C3: variants seen among roughly 807,000 people sequenced by gnomAD.
C3 encodes the protein complement C3, also known as C3 and PZP-like alpha-2-macroglobulin domain-containing protein 1.
In C3, 97 loss-of-function variants were observed where a neutral mutation model predicts 207.9. That is an observed-to-expected ratio of 0.47 (90% CI 0.40 to 0.55). C3 has a LOEUF of 0.55. Among genes scored for constraint, C3 ranks in the 20% least tolerant of loss-of-function variants. C3 has a pLI of 0.00. For missense variants in C3, 1,684 were observed against 2,171.7 expected, an observed-to-expected ratio of 0.78 and a Z score of 4.46; for synonymous variants, 848 against 857.6, an observed-to-expected ratio of 0.99 and a Z score of 0.20.
chr19:6,687,064 C>T (rs1474902954), intron 27 of C3, among the ~76,000 whole-genome samples, 162 bp from the exon 28 acceptor site: 1 of 152,196 alleles, frequency 6.6e-6, no homozygotes, highest in Non-Finnish European at 1.5e-5. Flanking sequence ...TTTTAGCCAC[C>T]ATGAGCTGCC....
At chr19:6,691,516 A>G (rs1918167746) in intron 26 of C3, among the ~76,000 whole-genome samples, 1 of 152,184 alleles carries the variant, frequency 6.6e-6, no homozygotes, top group African/African-American at 2.4e-5. Flanking sequence ...GGTGGCAGAA[A>G]CAGCATGTGC....
Position 6,710,783 on chromosome 19 carries a change from C to A in C3, c.1542G>T (p.Leu514=), listed in dbSNP as rs749992658. ...TGGTGATGGACAGGGGCAGCACCAC[C>A]AGGTCCTGGCCGGGCTCTCGCACCT... is the stretch of plus-strand genomic sequence containing the variant. The part of the protein sequence containing the change: ...GRQVREPGQD[L]VVLPLSITTD... The change falls in exon 13 of 41, where the codon CTG becomes CTT. Residue 514 remains leucine, a synonymous_variant. Coordinates refer to ENST00000245907, the MANE Select transcript of C3 (RefSeq NM_000064.4). 1 of 1,613,902 alleles carries A rather than the reference C, an allele frequency of 6.2e-7. No homozygotes were observed. Among genetic ancestry groups the A allele is most frequent in the Non-Finnish European group, 8.5e-7 (1 of 1,180,010 alleles).
At chr19:6,682,298 A>G (rs540818117) in intron 33 of C3, 69 bp from the exon 34 acceptor site, 1 of 1,205,460 alleles carries the variant, frequency 8.3e-7, no homozygotes, top group Non-Finnish European at 1.2e-6. Flanking sequence ...GTTCCTGGAC[A>G]AGGAGGTCTG....
At chr19:6,692,798 C>T in intron 26 of C3, 126 bp downstream of exon 26, 1 of 1,224,314 alleles carries the variant, frequency 8.2e-7, no homozygotes, top group South Asian at 1.2e-5. Flanking sequence ...TGCCCCCACC[C>T]CCCAGCCCAA....
chr19:6,708,637 CTTTCTCTCTG>C (rs1447032804), intron 14 of C3, among the ~76,000 whole-genome samples: 1 of 137,146 alleles, frequency 7.3e-6, no homozygotes, highest in Non-Finnish European at 1.5e-5. Context: ...CTTTCTTTTT[CTTTCTCTCTG>C]TTTCTCTCTC....
Position 6,697,563 on chromosome 19 carries a change from G to A in C3, c.2584-7C>T, listed in dbSNP as rs1014766919. ...GGAGTAGTTCCACCCTCACCTGCCA[G>A]GGAGAGAAAGGATCCGGGCAAGTGT... On this transcript the variant is annotated splice_polypyrimidine_tract_variant and splice_region_variant and intron_variant, in intron 20 of 40. Transcript: ENST00000245907. 6.2e-7 allele frequency: 1 copy of A among 1,613,972 alleles called. No individual in the cohort carries two copies. The highest frequency in any genetic ancestry group is 8.5e-7 in the Non-Finnish European group (1 of 1,179,970).
chr19:6,689,372 T>C (rs1301991344), intron 27 of C3, among the ~76,000 whole-genome samples: 9 of 118,094 alleles, frequency 7.6e-5, no homozygotes, highest in African/African-American at 2.5e-4. Flanking sequence ...TCTCTCTCTC[T>C]CTCTCTCTCT....
chr19:6,692,807 A>G (rs943046005), intron 26 of C3, 117 bp downstream of exon 26: 1 of 1,269,204 alleles, frequency 7.9e-7, no homozygotes, highest in African/African-American at 1.5e-5. Flanking sequence ...CCCCCAGCCC[A>G]ATCTTTGCAA....
intron 33 of C3, chr19:6,682,630 T>C (rs1470733603): frequency 3.6e-6 from 1 of 275,404 alleles, no homozygotes; most frequent in African/African-American, 2.2e-5. Flanking sequence ...TCACGAGTAG[T>C]TGCATATGGT....
intron 27 of C3, among the ~76,000 whole-genome samples, chr19:6,689,032 G>A (rs951182725): frequency 2.0e-5 from 3 of 152,130 alleles, no homozygotes; most frequent in Non-Finnish European, 4.4e-5. Context: ...TGAAGATCAC[G>A]GGAGAGAGGA....
chr19:6,699,243 C>CTTTTT (rs58493671), intron 19 of C3, among the ~76,000 whole-genome samples: 3 of 131,270 alleles, frequency 2.3e-5, no homozygotes, highest in Non-Finnish European at 3.3e-5. Context: ...CTTTTCTTTT[C>CTTTTT]TTTTTTTTTT....
rs1967905578 is a variant in C3, at chr19:6,710,781, A to G, written c.1544T>C (p.Val515Ala). 1 of 1,613,756 alleles carries G rather than the reference A, an allele frequency of 6.2e-7. No homozygotes were observed. The highest frequency in any genetic ancestry group is 8.5e-7 in the Non-Finnish European group (1 of 1,180,008). ...RQVREPGQDLVVLPLSITTDF... is the reference protein window; with the variant it reads ...RQVREPGQDLAVLPLSITTDF... ...GGTGGTGATGGACAGGGGCAGCACC[A>G]CCAGGTCCTGGCCGGGCTCTCGCAC... The change falls in exon 13 of 41, where the codon GTG becomes GCG. Residue 515 changes from valine to alanine, a missense_variant. Val to Ala is a moderately conservative substitution (Grantham distance 64). Transcript: ENST00000245907.
intron 35 of C3, among the ~76,000 whole-genome samples, chr19:6,681,123 G>A (rs1488602073): frequency 6.6e-6 from 1 of 152,070 alleles, no homozygotes; most frequent in African/African-American, 2.4e-5. Context: ...GGCACCAGGG[G>A]CTTATGCCTG....
At chr19:6,695,578 C>A (rs572331946) in intron 23 of C3, among the ~76,000 whole-genome samples, 1 of 152,148 alleles carries the variant, frequency 6.6e-6, no homozygotes, top group South Asian at 2.1e-4. Context: ...CTCCCACGTT[C>A]AATCGATTAT....
Position 6,706,870 on chromosome 19 carries a change from C to T in C3, c.2245+206G>A, listed in dbSNP as rs569603435. On this transcript the variant is annotated intron_variant, in intron 17 of 40. Transcript: ENST00000245907. ...GACAGGGACCTCCTCCCTCCTCAGA[C>T]GGAGGTTTCCTCCCTCCTCAGACAG... 1.2e-3 allele frequency among the ~76,000 whole-genome samples: 160 copies of T among 137,518 alleles called. 1 individual carries two copies. Among genetic ancestry groups the T allele is most frequent in the Non-Finnish European group, 2.0e-3 (136 of 66,374 alleles). 90.2% of individuals were successfully genotyped at this position (137,518 alleles called of 152,430 possible).
Position 6,696,363 on chromosome 19 carries a change from GT to G in C3, c.2950+15del, listed in dbSNP as rs762954643. On this transcript the variant is annotated intron_variant, in intron 23 of 40. Coordinates refer to ENST00000245907, the MANE Select transcript of C3 (RefSeq NM_000064.4). ...CCCTCCTGGGACCCATGGGGTCGGG[GT>G]CAAGGGTGTCTCACCTTGCAGGAGA... 2.5e-6 allele frequency: 4 copies of G among 1,584,704 alleles called. No homozygotes were observed. The South Asian group carries it at 3.4e-5, about 13-fold the overall frequency.
rs752086670 is a variant in C3 at position 6,679,425 on chromosome 19, G to C, written c.4528C>G (p.Leu1510Val). 1 of 1,613,726 alleles carries C rather than the reference G, an allele frequency of 6.2e-7. No individual in the cohort carries two copies. Among genetic ancestry groups the C allele is most frequent in the Non-Finnish European group, 8.5e-7 (1 of 1,179,608 alleles). Reference sequence around the variant, plus strand: ...AACTCACCCTCAGCACAGCGGCACAGTTCATCACGGCAGAGCTTGTTCAGC... The same window carrying C: ...AACTCACCCTCAGCACAGCGGCACACTTCATCACGGCAGAGCTTGTTCAGC... The part of the protein sequence containing the change: ...GKLNKLCRDE[L>V]CRCAEENCFI... Residue 1510 changes from leucine to valine, a missense_variant, in exon 37 of 41, where the codon CTG becomes GTG. By Grantham distance (32) the Leu-to-Val change is conservative. Around this residue, in one of 3 missense-constraint regions of C3, gnomAD observed 346 missense variants for 380.1 expected, o/e 0.91. Transcript: ENST00000245907.
rs344534 is a variant in C3, at chr19:6,710,672, C to A, written c.1653G>T (p.Val551=). 1,788 of 1,613,366 alleles carry A rather than the reference C, an allele frequency of 1.1e-3. 19 individuals are homozygous for A. In the African/African-American group the frequency reaches 0.021, roughly 19 times the overall value. The change falls in exon 13 of 41, where the codon GTG becomes GTT. Residue 551 remains valine, a synonymous_variant. Transcript: ENST00000245907. The part of the protein sequence containing the change: ...SGQREVVADS[V]WVDVKDSCVG... The stretch of plus-strand genomic sequence containing the variant: ...CGCAGGAGTCCTTGACGTCCACCCA[C>A]ACGGAGTCGGCCACCACCTCCCTCT...
At chr19:6,678,980 C>T (rs1397176024) in intron 38 of C3, 145 bp downstream of exon 38, 6 of 717,156 alleles carry the variant, frequency 8.4e-6, no homozygotes, top group African/African-American at 1.7e-5. Flanking sequence ...ACAATCATGG[C>T]CCCTCACAAT....
Sources: gnomAD v4.1 joint callset for allele counts (sites outside exome capture counted in the v4.1 genomes callset) on GRCh38, gnomAD v4.1.1 for gene constraint, gnomAD v4.1.1 regional missense constraint, MANE v1.5 for transcripts, NCBI Gene and HGNC (gene_info 2026-07-23, HGNC 2026-07-21) for gene names.